PLXDC2: variants seen among roughly 807,000 people sequenced by gnomAD.
The protein encoded by PLXDC2 is plexin domain-containing protein 2.
In PLXDC2, 40 loss-of-function variants were observed where a neutral mutation model predicts 68.9. The ratio of observed to expected loss-of-function variants is 0.58; its 90% CI spans 0.45 to 0.76. The LOEUF (loss-of-function observed/expected upper bound fraction) is 0.76, where lower values mean the gene tolerates loss of function less well. Among genes scored for constraint, PLXDC2 ranks in the 30% least tolerant of loss-of-function variants. The pLI, the probability that PLXDC2 is intolerant of heterozygous loss-of-function variation, is 0.00. For missense variants in PLXDC2, 644 were observed against 661.9 expected, an observed-to-expected ratio of 0.97 and a Z score of 0.30; for synonymous variants, 243 against 234.2, an observed-to-expected ratio of 1.04 and a Z score of -0.34.
At chr10:20,154,063 CG>C (rs1370547963) in intron 6 of PLXDC2, among the ~76,000 whole-genome samples, 2 of 151,882 alleles carry the variant, frequency 1.3e-5, no homozygotes, top group African/African-American at 4.8e-5. Flanking sequence ...AAAAAAAAAC[CG>C]GATCCTTTCT....
At chr10:20,206,849 A>AACACACAC (rs375925753) in intron 9 of PLXDC2, among the ~76,000 whole-genome samples, 1,589 of 149,630 alleles carry the variant, frequency 0.011, 21 homozygotes, top group Non-Finnish European at 0.017. Context: ...TGTGCTTTGA[A>AACACACAC]ACACACACAC....
rs910109312 is a variant in PLXDC2, at chr10:19,920,922, CTTTAT to C, written c.113-80839_113-80835del. Among the ~76,000 whole-genome samples, 776 of 151,640 alleles carry C rather than the reference CTTTAT, an allele frequency of 5.1e-3. 4 individuals are homozygous for C. The highest frequency in any genetic ancestry group is 0.018 in the African/African-American group (739 of 41,368). ...TGTATGATTTTTATTATTTTTATTA[CTTTAT>C]TTTATTTTATTTTTTATAGAGAGAG... On this transcript the variant is annotated intron_variant, in intron 1 of 13. Transcript: ENST00000377252.
At chr10:19,861,776 CT>C (rs1375003505) in intron 1 of PLXDC2, among the ~76,000 whole-genome samples, 1 of 152,192 alleles carries the variant, frequency 6.6e-6, no homozygotes. Flanking sequence ...TGGAGCACAT[CT>C]TTTATAACCC....
At chr10:20,087,465 T>C (rs1459980290) in intron 4 of PLXDC2, among the ~76,000 whole-genome samples, 1 of 152,210 alleles carries the variant, frequency 6.6e-6, no homozygotes, top group Non-Finnish European at 1.5e-5. Flanking sequence ...CCATTTGCCT[T>C]CCACGGAGAG....
chr10:20,253,099 T>C (rs551458263), intron 13 of PLXDC2, among the ~76,000 whole-genome samples: 11 of 152,126 alleles, frequency 7.2e-5, no homozygotes, highest in Non-Finnish European at 1.3e-4. Context: ...GTGCGGTGGC[T>C]CATGCCTGTA....
At chr10:19,916,084 G>A (rs533197185) in intron 1 of PLXDC2, among the ~76,000 whole-genome samples, 6 of 150,730 alleles carry the variant, frequency 4.0e-5, no homozygotes, top group African/African-American at 1.2e-4. Flanking sequence ...CCGCATCAAC[G>A]TAGATAAAAT....
intron 13 of PLXDC2, among the ~76,000 whole-genome samples, chr10:20,271,550 G>A (rs1588554744): frequency 6.6e-6 from 1 of 152,112 alleles, no homozygotes; most frequent in African/African-American, 2.4e-5. Context: ...CTGAACATGT[G>A]ACTTTTTTCT....
chr10:20,147,825 G>T lies in PLXDC2; in HGVS notation c.706G>T (p.Asp236Tyr). The T allele has an allele frequency of 6.2e-7, 1 of 1,613,494 alleles. No homozygotes were observed. Among genetic ancestry groups the T allele is most frequent in the Non-Finnish European group, 8.5e-7 (1 of 1,179,494 alleles). ...CCAGTGGGACCATGTACATCTCCAG[G>T]ATAATTATAACCTGGGAAGCTTCAC... ...VVQWDHVHLQ[D>Y]NYNLGSFTFQ... is the part of the protein sequence containing the mutation. The change falls in exon 6 of 14, where the codon GAT becomes TAT. Residue 236 changes from aspartate (D) to tyrosine (Y), a missense_variant. By Grantham distance (160) the Asp-to-Tyr change is radical. Transcript: ENST00000377252.
chr10:19,832,249 A>C (rs1308371277), intron 1 of PLXDC2, among the ~76,000 whole-genome samples: 1 of 152,190 alleles, frequency 6.6e-6, no homozygotes, highest in Non-Finnish European at 1.5e-5. Context: ...TTAATTTAAA[A>C]ATTGTTGACT....
At chr10:20,153,505 A>G (rs1047225057) in intron 6 of PLXDC2, among the ~76,000 whole-genome samples, 4 of 151,926 alleles carry the variant, frequency 2.6e-5, no homozygotes, top group Non-Finnish European at 5.9e-5. Flanking sequence ...TTTTATTCAC[A>G]TTTCCTGCTT....
At chr10:20,154,052 CA>C (rs201218215) in intron 6 of PLXDC2, among the ~76,000 whole-genome samples, 2 of 149,168 alleles carry the variant, frequency 1.3e-5, no homozygotes, top group Admixed American at 6.7e-5. Flanking sequence ...GTACATAGGC[CA>C]AAAAAAAACC....
At chr10:20,206,670 C>A (rs1834996900) in intron 9 of PLXDC2, among the ~76,000 whole-genome samples, 2 of 152,004 alleles carry the variant, frequency 1.3e-5, no homozygotes, top group Non-Finnish European at 2.9e-5. Flanking sequence ...TGTTTATTTA[C>A]AATAAAAATT....
At chr10:20,063,095 CG>C (rs1836134494) in intron 3 of PLXDC2, among the ~76,000 whole-genome samples, 1 of 151,864 alleles carries the variant, frequency 6.6e-6, no homozygotes, top group African/African-American at 2.4e-5. Context: ...GCCCCTCAAA[CG>C]TAATTATTTG....
intron 2 of PLXDC2, among the ~76,000 whole-genome samples, chr10:20,022,039 C>A (rs749581496): frequency 6.6e-6 from 1 of 152,168 alleles, no homozygotes; most frequent in Non-Finnish European, 1.5e-5. Flanking sequence ...GTTGAACTTT[C>A]AATTGTACTC....
chr10:20,131,560 C>T (rs1467335669), intron 4 of PLXDC2, among the ~76,000 whole-genome samples: 2 of 152,140 alleles, frequency 1.3e-5, no homozygotes, highest in East Asian at 1.9e-4. Flanking sequence ...CCACCATGCC[C>T]AGCTAATTTT....
At chr10:20,004,897 CA>C (rs1835001681) in intron 2 of PLXDC2, among the ~76,000 whole-genome samples, 1 of 152,134 alleles carries the variant, frequency 6.6e-6, no homozygotes, top group African/African-American at 2.4e-5. Context: ...AAGGATGGCC[CA>C]GGGGACTGTT....
At chr10:20,068,614 T>TTATA (rs113370455) in intron 4 of PLXDC2, among the ~76,000 whole-genome samples, 1 of 147,516 alleles carries the variant, frequency 6.8e-6, no homozygotes, top group African/African-American at 2.5e-5. Context: ...TATATATATA[T>TTATA]TATATATATA....
At chr10:19,879,459 T>C (rs1021543969) in intron 1 of PLXDC2, among the ~76,000 whole-genome samples, 1 of 152,144 alleles carries the variant, frequency 6.6e-6, no homozygotes, top group Admixed American at 6.6e-5. Flanking sequence ...GCAAATCAAA[T>C]TGTGCCATTA....
chr10:20,277,173 C>G (rs973209819), intron 13 of PLXDC2, among the ~76,000 whole-genome samples: 1 of 122,638 alleles, frequency 8.2e-6, no homozygotes, highest in East Asian at 2.5e-4. Flanking sequence ...CTTGCCATTG[C>G]ACTCCAGCCT....
Sources: allele counts gnomAD v4.1 joint callset (sites outside exome capture counted in the v4.1 genomes callset), GRCh38; gene constraint gnomAD v4.1.1; transcripts MANE v1.5; gene names NCBI Gene and HGNC (gene_info 2026-07-23, HGNC 2026-07-21).